EPM2A: variants seen among roughly 807,000 people sequenced by gnomAD.
The protein encoded by EPM2A is laforin.
In EPM2A, 21 loss-of-function variants were observed where a neutral mutation model predicts 26.5. The ratio of observed to expected loss-of-function variants is 0.79; its 90% CI spans 0.56 to 1.14. The LOEUF is 1.14. Among genes scored for constraint, EPM2A ranks in the 50% most tolerant of loss-of-function variants. The pLI is 0.00. For synonymous variants in EPM2A, 217 were observed against 177.6 expected (o/e 1.22, Z -1.76); for missense variants, 458 against 440.8 (o/e 1.04, Z -0.35).
chr6:145,714,011 T>G (rs562571578), intron 1 of EPM2A, among the ~76,000 whole-genome samples: 23 of 152,284 alleles, frequency 1.5e-4, no homozygotes, highest in Middle Eastern at 3.4e-3. Flanking sequence ...TCCATTTCTA[T>G]GAAATATCCA....
chr6:145,534,797 C>T (rs768037108), intron 2 of EPM2A, among the ~76,000 whole-genome samples: 1 of 152,116 alleles, frequency 6.6e-6, no homozygotes, highest in South Asian at 2.1e-4. Flanking sequence ...CCTCATAAAG[C>T]GTCATTTGGT....
chr6:145,578,443 G>T (rs1582870362), intron 2 of EPM2A, among the ~76,000 whole-genome samples: 1 of 152,222 alleles, frequency 6.6e-6, no homozygotes, highest in East Asian at 1.9e-4. Flanking sequence ...AAACCTAGAA[G>T]AAATGGATAA....
At chr6:145,450,429 C>A (rs1355900841) in intron 4 of EPM2A, among the ~76,000 whole-genome samples, 2 of 151,182 alleles carry the variant, frequency 1.3e-5, no homozygotes, top group African/African-American at 4.9e-5. Context: ...ATAATGCAGA[C>A]TCTATTAATC....
intron 4 of EPM2A, among the ~76,000 whole-genome samples, chr6:145,386,375 G>T (rs10457775): frequency 0.11 from 16,733 of 151,952 alleles, 959 homozygotes; most frequent in South Asian, 0.17. Flanking sequence ...AAAAGCTTTT[G>T]TATATCACCC....
At chr6:145,713,653 G>A (rs1448482004) in intron 1 of EPM2A, among the ~76,000 whole-genome samples, 1 of 152,122 alleles carries the variant, frequency 6.6e-6, no homozygotes, top group African/African-American at 2.4e-5. Context: ...AGTCACCTTG[G>A]AAAACAGTCT....
At chr6:145,585,500 T>C (rs956184431) in intron 2 of EPM2A, among the ~76,000 whole-genome samples, 1 of 152,180 alleles carries the variant, frequency 6.6e-6, no homozygotes, top group Non-Finnish European at 1.5e-5. Context: ...CAATGTCGAA[T>C]ACCATTCATT....
In EPM2A at chr6:145,674,672, T is replaced by G. The variant is rs573631064; in HGVS notation, c.476+11450A>C. On this transcript the variant is annotated intron_variant, in intron 2 of 3. Coordinates refer to ENST00000367519, the MANE Select transcript of EPM2A (RefSeq NM_005670.4). The stretch of plus-strand genomic sequence containing the variant: ...AGCTTCTGTAGCCAATTTGATCAAG[T>G]GGAAGAAAGGATATTAGTGATTGAA... Among the ~76,000 whole-genome samples, 32 of 151,220 alleles carry G rather than the reference T, an allele frequency of 2.1e-4. No homozygotes were observed. In the South Asian group the frequency reaches 5.7e-3, roughly 27 times the overall value.
intron 4 of EPM2A, among the ~76,000 whole-genome samples, chr6:145,425,116 CCCTTCCTTCCTTCCTTCCTT>C (rs71028346): frequency 5.3e-5 from 7 of 131,846 alleles, no homozygotes; most frequent in African/African-American, 1.9e-4. Flanking sequence ...ATGTAAGTCT[CCCTTCCTTCCTTCCTTCCTT>C]CCTTCCTTCC....
Position 145,564,812 on chromosome 6 carries a change from T to G in EPM2A, c.341-62237A>C, listed in dbSNP as rs552660064. On this transcript the variant is annotated intron_variant, in intron 2 of 3. Coordinates refer to the EPM2A transcript ENST00000450221. ...GGGTGTGGAGGGAGCTGGGAAGTGT[T>G]GTAGTAGACACTGACATAAACTAAC... Among the ~76,000 whole-genome samples, 74 of 152,104 alleles carry G rather than the reference T, an allele frequency of 4.9e-4. 1 individual carries two copies. The highest frequency in any genetic ancestry group is 1.7e-3 in the African/African-American group (70 of 41,466).
chr6:145,677,185 CAT>C (rs1259192899), intron 2 of EPM2A, among the ~76,000 whole-genome samples: 4 of 152,252 alleles, frequency 2.6e-5, no homozygotes, highest in South Asian at 4.1e-4. Flanking sequence ...AAAAAAACCA[CAT>C]GATTATCTCA....
rs933057620 is a variant in EPM2A at position 145,626,708 on chromosome 6, A to G, written c.*708T>C. On this transcript the variant is annotated 3_prime_UTR_variant, in exon 4 of 4. Transcript: ENST00000367519. ...AGCTACCTATGCTCATTAAGCCTCA[A>G]TTTAACTTCTTGACATCTCAACTAT... 1.3e-5 allele frequency: 13 copies of G among 985,802 alleles called. No individual in the cohort carries two copies. Among genetic ancestry groups the G allele is most frequent in the South Asian group, 9.4e-5 (2 of 21,294 alleles). 61.1% of individuals were successfully genotyped at this position (985,802 alleles called of 1,614,324 possible).
intron 4 of EPM2A, among the ~76,000 whole-genome samples, chr6:145,404,672 T>C (rs960320758): frequency 3.3e-5 from 5 of 152,116 alleles, no homozygotes; most frequent in African/African-American, 4.8e-5. Flanking sequence ...TATGGTAAAA[T>C]AGGCTCAACA....
chr6:145,601,304 ATTTAT>A (rs1426084297), intron 2 of EPM2A, among the ~76,000 whole-genome samples: 1 of 151,454 alleles, frequency 6.6e-6, no homozygotes, highest in Non-Finnish European at 1.5e-5. Context: ...TCCCCTTTTT[ATTTAT>A]TTGTTTGTGT....
chr6:145,541,366 G>T (rs576229652), intron 2 of EPM2A, among the ~76,000 whole-genome samples: 1 of 147,492 alleles, frequency 6.8e-6, no homozygotes, highest in South Asian at 2.2e-4. Context: ...ATATATGATC[G>T]GTGTTCTATA....
intron 4 of EPM2A, among the ~76,000 whole-genome samples, chr6:145,391,571 G>C (rs541800947): frequency 6.6e-6 from 1 of 152,140 alleles, no homozygotes; most frequent in East Asian, 1.9e-4. Flanking sequence ...GTTAAATATG[G>C]GTACTCAGCC....
intron 4 of EPM2A, among the ~76,000 whole-genome samples, chr6:145,486,848 T>G (rs1779684189): frequency 6.6e-6 from 1 of 152,182 alleles, no homozygotes; most frequent in Non-Finnish European, 1.5e-5. Flanking sequence ...TTTTAACTTT[T>G]ATTTTAAATT....
chr6:145,626,407 A>G lies in EPM2A; in HGVS notation c.*1009T>C, dbSNP rs1775810277. ...TTTTGGTAGTATAGTTCCTCTCATG[A>G]ATTTCCACTCTGGTCTTAAAACAGC... On this transcript the variant is annotated 3_prime_UTR_variant, in exon 4 of 4. Coordinates refer to ENST00000367519, the MANE Select transcript of EPM2A (RefSeq NM_005670.4). 2 of 985,894 alleles carry G rather than the reference A, an allele frequency of 2.0e-6. No homozygotes were observed. The highest frequency in any genetic ancestry group is 2.4e-6 in the Non-Finnish European group (2 of 829,988). 61.1% of individuals were successfully genotyped at this position (985,894 alleles called of 1,614,324 possible). A position where few individuals can be genotyped will look rare whatever the true frequency, so the allele number is the denominator to read the frequency against.
At chr6:145,390,470 T>C (rs1482300352) in intron 4 of EPM2A, among the ~76,000 whole-genome samples, 1 of 152,136 alleles carries the variant, frequency 6.6e-6, no homozygotes, top group African/African-American at 2.4e-5. Flanking sequence ...GCCAAACTTG[T>C]CTGGTGATAG....
chr6:145,558,500 T>G (rs1780761324), intron 2 of EPM2A, among the ~76,000 whole-genome samples: 1 of 152,056 alleles, frequency 6.6e-6, no homozygotes, highest in South Asian at 2.1e-4. Flanking sequence ...TTGAGGAAGC[T>G]CCATACTGTT....
Sources: gnomAD v4.1 joint callset for allele counts (sites outside exome capture counted in the v4.1 genomes callset) on GRCh38, gnomAD v4.1.1 for gene constraint, MANE v1.5 for transcripts, NCBI Gene and HGNC (gene_info 2026-07-23, HGNC 2026-07-21) for gene names.